The following ERN2 variants were observed in gnomAD, a reference collection of about 807,000 sequenced individuals.
ERN2 encodes serine/threonine-protein kinase/endoribonuclease IRE2.
Under a neutral mutation model 107.9 loss-of-function variants are expected in ERN2, and 111 were observed. That is an observed-to-expected ratio of 1.03 (90% CI 0.88 to 1.20). The LOEUF is 1.20. Among genes scored for constraint, ERN2 ranks in the 50% most tolerant of loss-of-function variants. The pLI is 0.00. For synonymous variants in ERN2, 524 were observed against 501.7 expected (o/e 1.04, Z -0.59); for missense variants, 1,225 against 1,197.9 (o/e 1.02, Z -0.33).
rs1349946348 is a variant in ERN2 at position 23,711,029 on chromosome 16, G to A, written c.94-11C>T. 3.1e-6 allele frequency: 5 copies of A among 1,600,468 alleles called. No individual in the cohort carries two copies. The highest frequency in any genetic ancestry group is 1.3e-5 in the African/African-American group (1 of 74,682). ...CCTGAGAGTATGAACCTGCAAGGGG[G>A]TAGAGACAAAGTCAGCTCTCTGAGG... On this transcript the variant is annotated splice_polypyrimidine_tract_variant and intron_variant, in intron 1 of 21. Transcript: ENST00000256797.
chr16:23,694,915 A>G lies in ERN2; in HGVS notation c.1913T>C (p.Leu638Pro), dbSNP rs200447755. 3.6e-4 allele frequency: 589 copies of G among 1,614,072 alleles called. No homozygotes were observed. Among genetic ancestry groups the G allele is most frequent in the Non-Finnish European group, 4.9e-4 (574 of 1,180,028 alleles). ...LHSLHIVHRD[L>P]KPGNILITGP... ...GGTGATGAGAATATTTCCTGGCTTC[A>G]GGTCCCGGTGCACTGTGGGAGAGGG... The change falls in exon 17 of 22, where the codon CTG (leucine) becomes CCG (proline). Residue 638 changes from leucine to proline, a missense_variant. Physicochemically the swap from Leu to Pro is moderately conservative, Grantham distance 98. Transcript: ENST00000256797.
chr16:23,708,733 C>T (rs1168014573), intron 4 of ERN2, among the ~76,000 whole-genome samples: 1 of 152,160 alleles, frequency 6.6e-6, no homozygotes, highest in Non-Finnish European at 1.5e-5. Flanking sequence ...CTTTCTCTCT[C>T]TTGCTCCTGC....
At chr16:23,694,951 AGCT>A (rs746148472) in intron 16 of ERN2, 24 bp from the exon 17 acceptor site, 1 of 1,614,006 alleles carries the variant, frequency 6.2e-7, no homozygotes, top group Non-Finnish European at 8.5e-7. Context: ...GCAGAAAGAA[AGCT>A]GGTTGCTGAG....
intron 17 of ERN2, among the ~76,000 whole-genome samples, chr16:23,694,414 G>A (rs1959717041): frequency 6.6e-6 from 1 of 152,172 alleles, no homozygotes; most frequent in Admixed American, 6.5e-5. Flanking sequence ...AGTTCTTTGT[G>A]TTGGGTGTTG....
chr16:23,711,395 T>G (rs1960535878), intron 1 of ERN2, among the ~76,000 whole-genome samples: 1 of 152,226 alleles, frequency 6.6e-6, no homozygotes, highest in Non-Finnish European at 1.5e-5. Context: ...CTTGCTCTAT[T>G]GCCCAGGCTG....
chr16:23,712,132 G>T (rs952607932), intron 1 of ERN2: 6 of 401,358 alleles, frequency 1.5e-5, no homozygotes, highest in African/African-American at 1.0e-4. Flanking sequence ...TGGGCCACTG[G>T]TGTTGAGTGG....
chr16:23,703,093 G>C (rs910294563), intron 8 of ERN2, among the ~76,000 whole-genome samples: 8 of 152,010 alleles, frequency 5.3e-5, no homozygotes, highest in African/African-American at 1.9e-4. Context: ...CACCCCAGCT[G>C]ACCCACAGAA....
chr16:23,712,965 G>T, intron 1 of ERN2, 130 bp downstream of exon 1: 3 of 690,410 alleles, frequency 4.3e-6, no homozygotes, highest in Non-Finnish European at 6.8e-6. Flanking sequence ...GGGCCGAGTT[G>T]GGACCACCCA....
rs1396347321 is a variant in ERN2, at chr16:23,700,583, A to T, written c.1481T>A (p.Leu494His). 7 of 1,613,900 alleles carry T rather than the reference A, an allele frequency of 4.3e-6. No homozygotes were observed. The highest frequency in any genetic ancestry group is 5.1e-6 in the Non-Finnish European group (6 of 1,179,962). The change falls in exon 13 of 22, where the codon CTT (leucine) becomes CAT (histidine). Residue 494 changes from leucine (L) to histidine (H), a missense_variant. Physicochemically the swap from Leu to His is moderately conservative, Grantham distance 99 (BLOSUM62 -3). Coordinates refer to ENST00000256797, the MANE Select transcript of ERN2 (RefSeq NM_033266.4). ...SGASRRSQKR[L>H]QSPSKQAQPL... ...CTGGGCTTGCTTTGAGGGACTCTGA[A>T]GCCTCTTCTGGCTCCTCCGGCTGGC...
chr16:23,702,746 A>T, intron 8 of ERN2, 44 bp from the exon 9 acceptor site: 1 of 1,528,268 alleles, frequency 6.5e-7, no homozygotes, highest in Non-Finnish European at 9.1e-7. Context: ...AATGCTGGTG[A>T]TGGGTAGTTT....
chr16:23,706,142 G>A (rs1202918310), intron 7 of ERN2, 188 bp downstream of exon 7: 13 of 546,380 alleles, frequency 2.4e-5, no homozygotes, highest in African/African-American at 3.9e-5. Context: ...CAGGGTTCAG[G>A]AGGGTCAGTC....
chr16:23,703,233 A>G (rs1960161297), intron 8 of ERN2, among the ~76,000 whole-genome samples: 1 of 152,216 alleles, frequency 6.6e-6, no homozygotes, highest in Non-Finnish European at 1.5e-5. Flanking sequence ...ACCTCTTTCA[A>G]GAGCTCAATT....
intron 6 of ERN2, 105 bp from the exon 7 acceptor site, chr16:23,706,536 C>T: frequency 1.1e-6 from 1 of 884,684 alleles, no homozygotes; most frequent in East Asian, 2.6e-5. Context: ...AGCACACAGC[C>T]TAGAGACCTG....
Position 23,695,091 on chromosome 16 carries a change from C to A in ERN2, c.1828G>T (p.Gly610Trp). 6.2e-7 allele frequency: 1 copy of A among 1,613,898 alleles called. No individual in the cohort carries two copies. The highest frequency in any genetic ancestry group is 1.1e-5 in the South Asian group (1 of 91,044). ...AGCACGACCTCGGGCTCCAGACCCC[C>A]GCGATCCAGGTCCGGGTTTTCTACG... ...EYVENPDLDR[G>W]GLEPEVVLQQ... Residue 610 changes from glycine to tryptophan, a missense_variant, in exon 16 of 22, where the codon GGG (glycine) becomes TGG (tryptophan). Transcript: ENST00000256797.
chr16:23,707,824 C>T (rs1244245066), intron 4 of ERN2, among the ~76,000 whole-genome samples: 1 of 152,222 alleles, frequency 6.6e-6, no homozygotes, highest in Non-Finnish European at 1.5e-5. Context: ...AAACTGTCAA[C>T]AGCCATGAGA....
At chr16:23,693,477 T>C (rs1322289252) in intron 17 of ERN2, among the ~76,000 whole-genome samples, 1 of 151,858 alleles carries the variant, frequency 6.6e-6, no homozygotes, top group East Asian at 1.9e-4. Flanking sequence ...TAGTCCCAGC[T>C]ACTAGGGAGG....
rs1212466453 is a variant in ERN2, at chr16:23,690,863, T to C, written c.2749A>G (p.Arg917Gly). 1.2e-6 allele frequency: 2 copies of C among 1,613,364 alleles called. No individual in the cohort carries two copies. The highest frequency in any genetic ancestry group is 1.1e-5 in the South Asian group (1 of 91,082). Residue 917 changes from arginine to glycine, a missense_variant, in exon 22 of 22, where the codon AGG becomes GGG. Coordinates refer to ENST00000256797, the MANE Select transcript of ERN2 (RefSeq NM_033266.4). ...LPYYPPDSEA[R>G]RPCPGATGR The stretch of plus-strand genomic sequence containing the variant: ...CCTGTGGCCCCAGGGCATGGCCTCC[T>C]GGCCTCTGAGTCTGGCGGGTAGTAG...
At chr16:23,710,799 T>G (rs1213575201) in intron 2 of ERN2, 114 bp downstream of exon 2, 1 of 893,152 alleles carries the variant, frequency 1.1e-6, no homozygotes, top group East Asian at 2.4e-5. Context: ...AAGCTGCCTG[T>G]AGATACCAGC....
In ERN2 at chr16:23,694,889, C is replaced by T. The variant is rs764399609; in HGVS notation, c.1939G>A (p.Gly647Arg). 104 of 1,614,070 alleles carry T rather than the reference C, an allele frequency of 6.4e-5. No individual in the cohort carries two copies. Among genetic ancestry groups the T allele is most frequent in the Non-Finnish European group, 8.4e-5 (99 of 1,180,048 alleles). ...DLKPGNILIT[G>R]PDSQGLGRVV... The stretch of plus-strand genomic sequence containing the variant: ...CTGCCCAGGCCCTGGCTGTCAGGCC[C>T]GGTGATGAGAATATTTCCTGGCTTC... Residue 647 changes from glycine (G) to arginine (R), a missense_variant, in exon 17 of 22, where the codon GGG becomes AGG. Gly to Arg is a moderately radical substitution (Grantham distance 125). Transcript: ENST00000256797.
Sources: gnomAD v4.1 joint callset for allele counts (sites outside exome capture counted in the v4.1 genomes callset) on GRCh38, gnomAD v4.1.1 for gene constraint, MANE v1.5 for transcripts, NCBI Gene and HGNC (gene_info 2026-07-23, HGNC 2026-07-21) for gene names.